Variants in FCHSD2 observed in about 807,000 individuals in gnomAD.
FCHSD2 encodes FCH and double SH3 domains 2.
FCHSD2 carries 38 observed loss-of-function variants against 108.1 expected under a neutral mutation model. The observed-to-expected ratio is 0.35, with a 90% CI of 0.27 to 0.46. FCHSD2 has a LOEUF of 0.46. FCHSD2 is among the 20% of genes least tolerant of loss of function. The pLI, the probability that FCHSD2 is intolerant of heterozygous loss-of-function variation, is 1.00. For synonymous variants in FCHSD2, 279 were observed against 314.7 expected, an observed-to-expected ratio of 0.89 and a Z score of 1.20; for missense variants, 751 against 897.8, an observed-to-expected ratio of 0.84 and a Z score of 2.09.
intron 19 of FCHSD2, 95 bp from the exon 20 acceptor site, chr11:72,838,969 G>T: frequency 9.7e-7 from 1 of 1,031,556 alleles, no homozygotes; most frequent in Non-Finnish European, 1.5e-6. Context: ...CCAAGGACAT[G>T]GGCACCCTAG....
intron 12 of FCHSD2, among the ~76,000 whole-genome samples, chr11:72,874,059 G>A (rs1289178204): frequency 6.6e-6 from 1 of 152,002 alleles, no homozygotes; most frequent in Non-Finnish European, 1.5e-5. Context: ...ATATGATCTG[G>A]TGCTGCCCAA....
At chr11:72,999,042 A>C (rs1384012389) in intron 5 of FCHSD2, among the ~76,000 whole-genome samples, 2 of 152,234 alleles carry the variant, frequency 1.3e-5, no homozygotes, top group African/African-American at 2.4e-5. Context: ...ATGGATGGAA[A>C]GAAAGTCTGA....
chr11:73,034,054 C>A (rs908104199), intron 3 of FCHSD2, among the ~76,000 whole-genome samples: 2 of 151,684 alleles, frequency 1.3e-5, no homozygotes, highest in African/African-American at 4.8e-5. Context: ...TTGCTTTTTT[C>A]TTTCTAAAGT....
intron 8 of FCHSD2, among the ~76,000 whole-genome samples, chr11:72,922,262 T>C (rs545997545): frequency 2.0e-5 from 3 of 152,150 alleles, no homozygotes; most frequent in Non-Finnish European, 2.9e-5. Context: ...AGGAGTTAAG[T>C]GAAATAATAA....
At chr11:73,033,119 T>C (rs1036343026) in intron 3 of FCHSD2, among the ~76,000 whole-genome samples, 1 of 151,812 alleles carries the variant, frequency 6.6e-6, no homozygotes, top group East Asian at 1.9e-4. Context: ...AAACCCCGTC[T>C]CTACTAAAAA....
intron 8 of FCHSD2, among the ~76,000 whole-genome samples, chr11:72,978,105 G>A (rs1187181265): frequency 6.6e-6 from 1 of 151,592 alleles, no homozygotes; most frequent in Non-Finnish European, 1.5e-5. Flanking sequence ...GGTGGGAATT[G>A]AACAATGAGA....
intron 14 of FCHSD2, among the ~76,000 whole-genome samples, chr11:72,844,259 G>A (rs933657620): frequency 7.2e-5 from 11 of 152,150 alleles, no homozygotes; most frequent in Non-Finnish European, 1.6e-4. Flanking sequence ...AGCATGCAGT[G>A]AAAATGCAAA....
At chr11:73,061,057 C>T (rs924455994) in intron 3 of FCHSD2, among the ~76,000 whole-genome samples, 1 of 152,196 alleles carries the variant, frequency 6.6e-6, no homozygotes, top group African/African-American at 2.4e-5. Flanking sequence ...GTCTGCAGCT[C>T]CCAGCAAGAT....
intron 6 of FCHSD2, among the ~76,000 whole-genome samples, chr11:72,988,064 T>C (rs775646946): frequency 3.3e-5 from 5 of 152,244 alleles, no homozygotes; most frequent in Non-Finnish European, 7.3e-5. Flanking sequence ...AAGTTGCTTA[T>C]AAGGTTGCTT....
chr11:72,850,828 G>A (rs570093633), intron 13 of FCHSD2, among the ~76,000 whole-genome samples: 411 of 151,808 alleles, frequency 2.7e-3, no homozygotes, highest in Non-Finnish European at 2.9e-3. Flanking sequence ...GGTGGCTCAC[G>A]CCTGTAATCC....
chr11:73,051,672 T>C lies in FCHSD2; in HGVS notation c.165+32023A>G, dbSNP rs557100380. ...GTTATCTGCAGAGATGTACTGGCTA[T>C]GCAACAATAAAACCCTCAAAACCTA... On this transcript the variant is annotated intron_variant, in intron 3 of 19. Transcript: ENST00000409418. 3.3e-5 allele frequency among the ~76,000 whole-genome samples: 5 copies of C among 152,274 alleles called. No individual in the cohort carries two copies. In the East Asian group the frequency reaches 9.7e-4, roughly 29 times the overall value.
chr11:72,911,503 T>C (rs558327491), intron 9 of FCHSD2, among the ~76,000 whole-genome samples: 1 of 152,336 alleles, frequency 6.6e-6, no homozygotes, highest in African/African-American at 2.4e-5. Flanking sequence ...TTAGGATTGC[T>C]TTTTCTATCT....
intron 2 of FCHSD2, among the ~76,000 whole-genome samples, chr11:73,133,796 A>G: frequency 7.0e-6 from 1 of 142,288 alleles, no homozygotes; most frequent in Non-Finnish European, 1.5e-5. Context: ...CCGTCTCAAA[A>G]AAAAAAAAAA....
chr11:72,882,490 T>A (rs1855110949), intron 12 of FCHSD2, among the ~76,000 whole-genome samples: 1 of 152,174 alleles, frequency 6.6e-6, no homozygotes, highest in South Asian at 2.1e-4. Flanking sequence ...GTTTGATAGC[T>A]TAGCAGGGTG....
At chr11:72,879,515 T>C (rs1414532527) in intron 12 of FCHSD2, among the ~76,000 whole-genome samples, 1 of 152,140 alleles carries the variant, frequency 6.6e-6, no homozygotes, top group Non-Finnish European at 1.5e-5. Context: ...GTTATAAATA[T>C]ACTTAGAGGT....
At chr11:72,846,833 T>C (rs1861159474) in intron 14 of FCHSD2, among the ~76,000 whole-genome samples, 2 of 152,172 alleles carry the variant, frequency 1.3e-5, no homozygotes, top group Admixed American at 1.3e-4. Flanking sequence ...TACATACAAT[T>C]TGGTATCCTA....
chr11:72,896,311 T>C (rs537864910), intron 10 of FCHSD2, among the ~76,000 whole-genome samples: 4 of 152,192 alleles, frequency 2.6e-5, no homozygotes, highest in Non-Finnish European at 4.4e-5. Context: ...CCTGAGGAAG[T>C]TTCCGTGTTT....
At chr11:73,054,514 G>A (rs899671929) in intron 3 of FCHSD2, among the ~76,000 whole-genome samples, 1 of 151,898 alleles carries the variant, frequency 6.6e-6, no homozygotes, top group Non-Finnish European at 1.5e-5. Context: ...AAAAAGAATC[G>A]AAGTATAGTC....
intron 3 of FCHSD2, among the ~76,000 whole-genome samples, chr11:73,055,265 T>C (rs899147006): frequency 6.6e-5 from 10 of 150,860 alleles, no homozygotes; most frequent in African/African-American, 2.4e-4. Context: ...GAGATTTGGG[T>C]GGGGACACAG....
Sources: gnomAD v4.1 joint callset for allele counts (sites outside exome capture counted in the v4.1 genomes callset) on GRCh38, gnomAD v4.1.1 for gene constraint, MANE v1.5 for transcripts, NCBI Gene and HGNC (gene_info 2026-07-23, HGNC 2026-07-21) for gene names.